Variants in CYP39A1 observed in about 807,000 individuals in gnomAD.
The protein encoded by CYP39A1 is cytochrome P450 family 39 subfamily A member 1.
CYP39A1 carries 49 observed loss-of-function variants against 58.1 expected under a neutral mutation model. That is an observed-to-expected ratio of 0.84 (90% CI 0.67 to 1.07). The LOEUF (loss-of-function observed/expected upper bound fraction) is 1.07. Ranked by LOEUF, CYP39A1 falls within the 50% of genes least tolerant of loss-of-function variation. CYP39A1 has a pLI of 0.00. For missense variants in CYP39A1, 531 were observed against 539.4 expected (o/e 0.98, Z 0.16); for synonymous variants, 209 against 187.6 (o/e 1.11, Z -0.93).
chr6:46,565,460 C>T (rs1771223724), intron 10 of CYP39A1, among the ~76,000 whole-genome samples: 1 of 149,488 alleles, frequency 6.7e-6, no homozygotes, highest in South Asian at 2.1e-4. Flanking sequence ...TAAGGGTAAG[C>T]TGAATGAGAA....
At chr6:46,652,122 C>G (rs1762733044) in intron 1 of CYP39A1, among the ~76,000 whole-genome samples, 1 of 152,238 alleles carries the variant, frequency 6.6e-6, no homozygotes, top group African/African-American at 2.4e-5. Context: ...TTAACACATA[C>G]ACATTTGGAA....
chr6:46,609,236 C>T (rs987170020), intron 7 of CYP39A1, among the ~76,000 whole-genome samples: 13 of 151,452 alleles, frequency 8.6e-5, no homozygotes, highest in Admixed American at 8.5e-4. Context: ...CCCATCTGTG[C>T]TAAATATACA....
intron 10 of CYP39A1, among the ~76,000 whole-genome samples, chr6:46,567,765 C>T (rs887774321): frequency 3.3e-5 from 5 of 152,110 alleles, no homozygotes; most frequent in African/African-American, 9.7e-5. Context: ...CACACACAGA[C>T]TAGGGTGGCC....
intron 10 of CYP39A1, 117 bp from the exon 11 acceptor site, chr6:46,553,971 A>C: frequency 1.5e-6 from 1 of 669,392 alleles, no homozygotes; most frequent in Non-Finnish European, 2.5e-6. Context: ...TTTACAATAT[A>C]CTCTTTTCCT....
Position 46,642,047 on chromosome 6 carries a change from T to C in CYP39A1, c.313+116A>G, listed in dbSNP as rs538892000. The C allele has an allele frequency of 7.3e-5, 85 of 1,163,884 alleles. No homozygotes were observed. In the African/African-American group the frequency reaches 1.2e-3, roughly 16 times the overall value. 72.1% of individuals were successfully genotyped at this position (1,163,884 alleles called of 1,614,324 possible). On this transcript the variant is annotated intron_variant, in intron 2 of 11. Transcript: ENST00000275016. ...TCCTCTTCTACCCATACCTCAAGAA[T>C]AAAATAATGGACCCTCATCATTCTT...
At chr6:46,558,193 T>C (rs1206255364) in intron 10 of CYP39A1, among the ~76,000 whole-genome samples, 1 of 152,070 alleles carries the variant, frequency 6.6e-6, no homozygotes, top group East Asian at 1.9e-4. Flanking sequence ...AGGGAGCTAA[T>C]ACTGTTTGTA....
intron 7 of CYP39A1, among the ~76,000 whole-genome samples, chr6:46,613,672 T>C (rs1481442622): frequency 6.7e-6 from 1 of 150,176 alleles, no homozygotes; most frequent in Non-Finnish European, 1.5e-5. Flanking sequence ...AATGCAAAAG[T>C]GAAAAAAATT....
intron 8 of CYP39A1, among the ~76,000 whole-genome samples, chr6:46,591,403 A>G (rs1772825616): frequency 6.6e-6 from 1 of 152,052 alleles, no homozygotes; most frequent in Admixed American, 6.6e-5. Flanking sequence ...TGAGACATTA[A>G]ATTTTGCTAT....
chr6:46,619,783 C>T (rs9463217), intron 7 of CYP39A1, among the ~76,000 whole-genome samples: 29,068 of 152,056 alleles, frequency 0.19, 2,990 homozygotes, highest in African/African-American at 0.27. Context: ...TCTGCAAGAA[C>T]ATGGACTGTT....
rs73735797 is a variant in CYP39A1, at chr6:46,604,939, T to C, written c.932-8819A>G. The stretch of plus-strand genomic sequence containing the variant: ...AATCTTTTGGCTTCCCTGCGCCACA[T>C]TGGAGGAGAAAGAATTGCATTGGGC... On this transcript the variant is annotated intron_variant, in intron 7 of 11. Transcript: ENST00000275016. 3.5e-3 allele frequency among the ~76,000 whole-genome samples: 524 copies of C among 151,806 alleles called. 4 individuals carry two copies. Among genetic ancestry groups the C allele is most frequent in the African/African-American group, 0.011 (462 of 41,404 alleles).
At chr6:46,614,470 T>G (rs1348952976) in intron 7 of CYP39A1, among the ~76,000 whole-genome samples, 1 of 152,204 alleles carries the variant, frequency 6.6e-6, no homozygotes, top group Non-Finnish European at 1.5e-5. Context: ...TTCTGCTTCC[T>G]ACAGACATTT....
Position 46,616,677 on chromosome 6 carries a change from C to T in CYP39A1, c.931+8741G>A, listed in dbSNP as rs138923916. Among the ~76,000 whole-genome samples the T allele has an allele frequency of 2.1e-3, 312 of 152,180 alleles. 2 individuals are homozygous for T. The highest frequency in any genetic ancestry group is 7.4e-3 in the African/African-American group (306 of 41,530). ...CATATTTCCAAGTTCCTAAAGCAGT[C>T]CCTGTCATATAACGGGAGTGCAACA... On this transcript the variant is annotated intron_variant, in intron 7 of 11. Coordinates refer to ENST00000275016, the MANE Select transcript of CYP39A1 (RefSeq NM_016593.5).
chr6:46,560,834 T>A (rs993695333), intron 10 of CYP39A1, among the ~76,000 whole-genome samples: 2 of 151,764 alleles, frequency 1.3e-5, no homozygotes, highest in Non-Finnish European at 2.9e-5. Context: ...AGTCAGGAAA[T>A]TGAGGAAGAT....
chr6:46,619,474 A>G lies in CYP39A1; in HGVS notation c.931+5944T>C, dbSNP rs564217724. On this transcript the variant is annotated intron_variant, in intron 7 of 11. Transcript: ENST00000275016. ...TATTTTTAAAAGTTAGTGATTCTCT[A>G]ACTTGTCTTACTTTTAAGGAAATAT... Among the ~76,000 whole-genome samples the G allele has an allele frequency of 1.2e-4, 18 of 152,218 alleles. No individual in the cohort carries two copies. In the East Asian group the frequency reaches 2.3e-3, roughly 20 times the overall value.
At chr6:46,619,487 T>G (rs1351302147) in intron 7 of CYP39A1, among the ~76,000 whole-genome samples, 1 of 151,968 alleles carries the variant, frequency 6.6e-6, no homozygotes, top group Non-Finnish European at 1.5e-5. Flanking sequence ...TTGTCTTACT[T>G]TTAAGGAAAT....
At chr6:46,607,800 G>T (rs1410036189) in intron 7 of CYP39A1, among the ~76,000 whole-genome samples, 1 of 152,094 alleles carries the variant, frequency 6.6e-6, no homozygotes, top group African/African-American at 2.4e-5. Flanking sequence ...ATCCTTCCAA[G>T]ATTTAAAGAG....
chr6:46,587,437 G>A (rs56394011), intron 9 of CYP39A1, among the ~76,000 whole-genome samples: 3,217 of 152,208 alleles, frequency 0.021, 124 homozygotes, highest in African/African-American at 0.074. Context: ...AGAAGAGGAA[G>A]AATATTTATA....
At chr6:46,593,013 A>G (rs9296497) in intron 8 of CYP39A1, among the ~76,000 whole-genome samples, 8,015 of 152,202 alleles carry the variant, frequency 0.053, 439 homozygotes, top group African/African-American at 0.14. Context: ...AAAAACTACT[A>G]AATATTTATG....
At chr6:46,637,563 T>C (rs950626824) in intron 4 of CYP39A1, among the ~76,000 whole-genome samples, 1 of 152,194 alleles carries the variant, frequency 6.6e-6, no homozygotes, top group South Asian at 2.1e-4. Flanking sequence ...TAAAAAGCTG[T>C]ACATGGGATA....
Sources: allele counts gnomAD v4.1 joint callset (sites outside exome capture counted in the v4.1 genomes callset), GRCh38; gene constraint gnomAD v4.1.1; transcripts MANE v1.5; gene names NCBI Gene and HGNC (gene_info 2026-07-23, HGNC 2026-07-21).